EFL1: variants seen among roughly 807,000 people sequenced by gnomAD.
EFL1 encodes the protein elongation factor-like GTPase 1.
EFL1 carries 76 observed loss-of-function variants against 126.7 expected under a neutral mutation model. That is an observed-to-expected ratio of 0.60 (90% confidence interval 0.50 to 0.73). The LOEUF (loss-of-function observed/expected upper bound fraction) is 0.73, where lower values mean the gene tolerates loss of function less well. Among genes scored for constraint, EFL1 ranks in the 30% least tolerant of loss-of-function variants. The probability of loss-of-function intolerance (pLI) is 0.00; values close to 1 mark genes in which losing one functional copy is unlikely to be tolerated. For synonymous variants in EFL1, 410 were observed against 448.4 expected (o/e 0.91, Z 1.08); for missense variants, 1,128 against 1,343.2 (o/e 0.84, Z 2.50).
chr15:82,155,076 T>C (rs1056068617), intron 17 of EFL1, among the ~76,000 whole-genome samples: 1 of 152,218 alleles, frequency 6.6e-6, no homozygotes, highest in Non-Finnish European at 1.5e-5. Flanking sequence ...GATTCACCTA[T>C]GTTTTATATA....
intron 14 of EFL1, among the ~76,000 whole-genome samples, chr15:82,218,293 G>A (rs1041167141): frequency 6.6e-6 from 1 of 152,128 alleles, no homozygotes; most frequent in Non-Finnish European, 1.5e-5. Context: ...TTGAAGGTAG[G>A]TCTGAAATAT....
chr15:82,146,610 GAAAA>G (rs11345305), intron 18 of EFL1, among the ~76,000 whole-genome samples: 2 of 128,860 alleles, frequency 1.6e-5, no homozygotes, highest in African/African-American at 2.9e-5. Context: ...ATCAATTCGA[GAAAA>G]AAAAAAAAAA....
intron 2 of EFL1, 50 bp downstream of exon 2, chr15:82,261,638 G>C (rs2075120148): frequency 6.5e-7 from 1 of 1,539,992 alleles, no homozygotes; most frequent in Non-Finnish European, 9.0e-7. Context: ...GACATACAGA[G>C]ACACATCTCC....
intron 17 of EFL1, among the ~76,000 whole-genome samples, chr15:82,153,967 C>T (rs1303181776): frequency 1.3e-5 from 2 of 152,100 alleles, no homozygotes; most frequent in Non-Finnish European, 1.5e-5. Context: ...AGAAAACCAA[C>T]GGCAAAGCTT....
intron 2 of EFL1, among the ~76,000 whole-genome samples, chr15:82,260,370 T>C (rs183895169): frequency 1.4e-3 from 211 of 152,322 alleles, no homozygotes; most frequent in Middle Eastern, 3.4e-3. Context: ...TTGTAAGTGA[T>C]CCACTATCTG....
chr15:82,167,295 CAAATA>C (rs2074089909), intron 15 of EFL1, among the ~76,000 whole-genome samples: 1 of 152,080 alleles, frequency 6.6e-6, no homozygotes, highest in African/African-American at 2.4e-5. Context: ...CTCTATACAA[CAAATA>C]AAATTAAATA....
intron 11 of EFL1, among the ~76,000 whole-genome samples, chr15:82,226,947 G>A (rs2074770028): frequency 6.6e-6 from 1 of 152,146 alleles, no homozygotes; most frequent in Non-Finnish European, 1.5e-5. Context: ...GTCAAGGGAC[G>A]AAAGTGTTTC....
At chr15:82,195,186 T>C (rs1190478838) in intron 15 of EFL1, among the ~76,000 whole-genome samples, 1 of 152,186 alleles carries the variant, frequency 6.6e-6, no homozygotes. Flanking sequence ...AAATGTATTA[T>C]CCAAAAAACT....
chr15:82,175,537 T>C (rs2074185826), intron 15 of EFL1, among the ~76,000 whole-genome samples: 1 of 152,184 alleles, frequency 6.6e-6, no homozygotes, highest in African/African-American at 2.4e-5. Context: ...TCAATATGAA[T>C]GGGGTTTTAT....
intron 19 of EFL1, among the ~76,000 whole-genome samples, chr15:82,132,264 A>G (rs2073657914): frequency 6.6e-6 from 1 of 152,240 alleles, no homozygotes; most frequent in Non-Finnish European, 1.5e-5. Flanking sequence ...GAGAAAAGCC[A>G]GATCTAGAGA....
chr15:82,237,787 A>G (rs1466084377), intron 7 of EFL1, among the ~76,000 whole-genome samples: 1 of 152,114 alleles, frequency 6.6e-6, no homozygotes, highest in Non-Finnish European at 1.5e-5. Context: ...ATGGGTGAAT[A>G]AACTGGGGTA....
chr15:82,147,726 C>A (rs2141223695), intron 18 of EFL1, among the ~76,000 whole-genome samples: 1 of 150,744 alleles, frequency 6.6e-6, no homozygotes, highest in South Asian at 2.1e-4. Context: ...GGATAACAGA[C>A]CCTAAAATAA....
intron 15 of EFL1, among the ~76,000 whole-genome samples, chr15:82,186,032 T>A (rs955129394): frequency 1.3e-5 from 2 of 152,224 alleles, no homozygotes; most frequent in African/African-American, 4.8e-5. Context: ...TTTTGTTGTA[T>A]AAAATTTAAT....
At chr15:82,132,706 T>C (rs1012073239) in intron 19 of EFL1, among the ~76,000 whole-genome samples, 1 of 86,008 alleles carries the variant, frequency 1.2e-5, no homozygotes, top group Non-Finnish European at 2.4e-5. Context: ...GTAGGCAGAG[T>C]GGCAGACAAG....
chr15:82,262,159 G>A, intron 1 of EFL1: 1 of 168,066 alleles, frequency 6.0e-6, no homozygotes, highest in Non-Finnish European at 1.3e-5. Flanking sequence ...ATCCAGGAGG[G>A]AGAGAAAATG....
rs529362448 is a variant in EFL1 at position 82,251,069 on chromosome 15, G to A, written c.244+1622C>T. Among the ~76,000 whole-genome samples, 46 of 152,118 alleles carry A rather than the reference G, an allele frequency of 3.0e-4. 1 individual carries two copies. The highest frequency in any genetic ancestry group is 6.8e-3 in the Middle Eastern group (2 of 294). ...TCTACTAAAAATACAAAAATTAGCC[G>A]GGCACGGTGGCATGCATCTGCAATC... On this transcript the variant is annotated intron_variant, in intron 4 of 19. Coordinates refer to ENST00000268206, the MANE Select transcript of EFL1 (RefSeq NM_024580.6).
At chr15:82,147,225 T>C (rs932940979) in intron 18 of EFL1, among the ~76,000 whole-genome samples, 1 of 152,076 alleles carries the variant, frequency 6.6e-6, no homozygotes, top group Non-Finnish European at 1.5e-5. Context: ...GTAGAAGAGA[T>C]GGCAATCTGG....
intron 15 of EFL1, among the ~76,000 whole-genome samples, chr15:82,206,998 C>T (rs767449193): frequency 1.3e-5 from 2 of 152,028 alleles, no homozygotes; most frequent in African/African-American, 2.4e-5. Flanking sequence ...AAACTGAGTT[C>T]ACTGCTCAAT....
At chr15:82,231,053 C>A in intron 7 of EFL1, 82 bp from the exon 8 acceptor site, 4 of 1,479,420 alleles carry the variant, frequency 2.7e-6, no homozygotes, top group Non-Finnish European at 3.6e-6. Flanking sequence ...CTTCTTTACA[C>A]GTGTATTACT....
Sources: allele counts gnomAD v4.1 joint callset (sites outside exome capture counted in the v4.1 genomes callset), GRCh38; gene constraint gnomAD v4.1.1; transcripts MANE v1.5; gene names NCBI Gene and HGNC (gene_info 2026-07-23, HGNC 2026-07-21).